The following FAM227B variants were observed in gnomAD, a reference collection of about 807,000 sequenced individuals.
The protein encoded by FAM227B is protein FAM227B.
In FAM227B, 88 loss-of-function variants were observed where a neutral mutation model predicts 73.8. The ratio of observed to expected loss-of-function variants is 1.19; its 90% confidence interval spans 1.00 to 1.42. The LOEUF (loss-of-function observed/expected upper bound fraction) is 1.42. Ranked by LOEUF, FAM227B falls within the 40% of genes most tolerant of loss-of-function variation. The probability of loss-of-function intolerance (pLI) is 0.00; values close to 1 mark genes in which losing one functional copy is unlikely to be tolerated. For synonymous variants in FAM227B, 210 were observed against 190.5 expected (o/e 1.10, Z -0.84); for missense variants, 632 against 590.9 (o/e 1.07, Z -0.72).
intron 10 of FAM227B, among the ~76,000 whole-genome samples, chr15:49,533,799 G>A (rs773161417): frequency 3.3e-5 from 5 of 151,746 alleles, no homozygotes; most frequent in Non-Finnish European, 7.4e-5. Context: ...GCATATAGTT[G>A]GGTGTTGTTT....
intron 11 of FAM227B, among the ~76,000 whole-genome samples, chr15:49,417,118 G>A (rs891643634): frequency 6.6e-6 from 1 of 152,124 alleles, no homozygotes; most frequent in African/African-American, 2.4e-5. Flanking sequence ...CTGGTTGGGT[G>A]CAGTTGCTCA....
chr15:49,489,192 C>A, intron 11 of FAM227B: 1 of 946,842 alleles, frequency 1.1e-6, no homozygotes. Flanking sequence ...TCACTGGAAG[C>A]CATTTTACAG....
At chr15:49,366,152 A>G in intron 13 of FAM227B, 1 of 974,746 alleles carries the variant, frequency 1.0e-6, no homozygotes, top group Non-Finnish European at 1.7e-6. Context: ...GAACACAGCA[A>G]TTACAAAAAT....
Position 49,611,191 on chromosome 15 carries a change from CATAAA to C in FAM227B, c.105+19_105+23del. 7.0e-7 allele frequency: 1 copy of C among 1,434,156 alleles called. No homozygotes were observed. Among genetic ancestry groups the C allele is most frequent in the East Asian group, 2.3e-5 (1 of 43,854 alleles). The allele number at this position is 1,434,156 out of a possible 1,614,324, so 88.8% of individuals were successfully genotyped here. A position where few individuals can be genotyped will look rare whatever the true frequency, so the allele number is the denominator to read the frequency against. ...GATATTTTAAAATGATGTAATGGCA[CATAAA>C]ATAAGATGCTTTACTCACCCAATTT... On this transcript the variant is annotated intron_variant, in intron 3 of 15. Coordinates refer to ENST00000299338, the MANE Select transcript of FAM227B (RefSeq NM_152647.3).
At chr15:49,394,485 G>A (rs1332301536) in intron 11 of FAM227B, among the ~76,000 whole-genome samples, 1 of 152,156 alleles carries the variant, frequency 6.6e-6, no homozygotes, top group Admixed American at 6.5e-5. Context: ...GAGAAATAAA[G>A]TAATAGGGAA....
intron 11 of FAM227B, among the ~76,000 whole-genome samples, chr15:49,501,299 C>T (rs1448660518): frequency 6.6e-6 from 1 of 152,150 alleles, no homozygotes; most frequent in Non-Finnish European, 1.5e-5. Flanking sequence ...GGTCAAAATG[C>T]TGATACTGAT....
chr15:49,530,628 T>C (rs1362913096), intron 10 of FAM227B, among the ~76,000 whole-genome samples: 1 of 151,810 alleles, frequency 6.6e-6, no homozygotes, highest in Non-Finnish European at 1.5e-5. Flanking sequence ...CTAGAAAAAA[T>C]TGAATTGTAT....
At chr15:49,602,903 G>A (rs1170483110) in intron 3 of FAM227B, among the ~76,000 whole-genome samples, 2 of 152,136 alleles carry the variant, frequency 1.3e-5, no homozygotes, top group East Asian at 3.8e-4. Context: ...TGAAGAAACT[G>A]TCCTTTATTC....
At chr15:49,574,598 T>C (rs1432336505) in intron 8 of FAM227B, 1 of 152,316 alleles carries the variant, frequency 6.6e-6, no homozygotes, top group Non-Finnish European at 1.5e-5. Context: ...TTAAATCTCT[T>C]TCCTTCATAA....
At chr15:49,617,768 T>A (rs1356680086) in intron 1 of FAM227B, among the ~76,000 whole-genome samples, 1 of 144,446 alleles carries the variant, frequency 6.9e-6, no homozygotes, top group East Asian at 1.9e-4. Context: ...CTATGCTCCT[T>A]TCATGTTTTG....
rs2042700462 is a variant in FAM227B, at chr15:49,354,267, T to A, written c.1271+13181A>T. ...GCCAAGATGGCCGAATAGGAACAGC[T>A]CCGGTCTACAGCTCCCAGCGTGAGC... On this transcript the variant is annotated intron_variant, in intron 13 of 15. Transcript: ENST00000299338. Among the ~76,000 whole-genome samples, 5 of 152,182 alleles carry A rather than the reference T, an allele frequency of 3.3e-5. No homozygotes were observed. In the South Asian group the frequency reaches 1.0e-3, roughly 31 times the overall value.
chr15:49,366,092 A>G, intron 13 of FAM227B: 1 of 882,482 alleles, frequency 1.1e-6, no homozygotes, highest in Non-Finnish European at 1.9e-6. Flanking sequence ...CACTGCTTTC[A>G]AGTTTTCCAA....
chr15:49,348,019 C>CAAA (rs67614443), intron 13 of FAM227B, among the ~76,000 whole-genome samples: 71 of 69,902 alleles, frequency 1.0e-3, no homozygotes, highest in Non-Finnish European at 1.1e-3. Context: ...AACTCTGTCT[C>CAAA]AAAAAAAAAA....
Position 49,344,868 on chromosome 15 carries a change from AAGTGACTG to A in FAM227B, c.1272-9380_1272-9373del, listed in dbSNP as rs202003093. Among the ~76,000 whole-genome samples the A allele has an allele frequency of 2.0e-4, 30 of 152,324 alleles. No individual in the cohort carries two copies. In the East Asian group the frequency reaches 5.8e-3, roughly 29 times the overall value. On this transcript the variant is annotated intron_variant, in intron 13 of 15. Transcript: ENST00000299338. ...CCGTCTTACTCCCTCCTGCTACATCAAGTGACTGAACATCTAAAATCTTTTCTGAGTAA... is the reference window on the plus strand; with the variant it reads ...CCGTCTTACTCCCTCCTGCTACATCAAACATCTAAAATCTTTTCTGAGTAA...
At chr15:49,489,791 T>A (rs929842876) in intron 11 of FAM227B, among the ~76,000 whole-genome samples, 1 of 86,240 alleles carries the variant, frequency 1.2e-5, no homozygotes, top group Non-Finnish European at 2.4e-5. Context: ...ACAGGAGATA[T>A]ATATATATAT....
At chr15:49,382,411 A>C (rs1337987534) in intron 11 of FAM227B, among the ~76,000 whole-genome samples, 4 of 152,132 alleles carry the variant, frequency 2.6e-5, no homozygotes, top group African/African-American at 7.2e-5. Context: ...AAAAAGAAAT[A>C]AGGCAAATGT....
At chr15:49,349,524 T>G (rs2041961201) in intron 13 of FAM227B, among the ~76,000 whole-genome samples, 1 of 152,196 alleles carries the variant, frequency 6.6e-6, no homozygotes, top group South Asian at 2.1e-4. Flanking sequence ...CTCTATTACA[T>G]AAGTTTTAAA....
In FAM227B at chr15:49,328,155, C is replaced by T. The variant is rs774873579; in HGVS notation, c.*413G>A. 6.8e-6 allele frequency: 11 copies of T among 1,612,368 alleles called. No homozygotes were observed. The highest frequency in any genetic ancestry group is 8.5e-7 in the Non-Finnish European group (1 of 1,179,224). ...GGTGGGGCTTTGGTTTTGCTTGAGG[C>T]CTGAAAAAATGTAAAAAGTCTGAGA... is the stretch of plus-strand genomic sequence containing the variant. On this transcript the variant is annotated 3_prime_UTR_variant, in exon 16 of 16. Transcript: ENST00000299338.
At chr15:49,374,226 A>G (rs2151489981) in intron 11 of FAM227B, among the ~76,000 whole-genome samples, 1 of 152,324 alleles carries the variant, frequency 6.6e-6, no homozygotes, top group South Asian at 2.1e-4. Flanking sequence ...CAAGCCTGAT[A>G]TAATTTTACA....
Sources: allele counts gnomAD v4.1 joint callset (sites outside exome capture counted in the v4.1 genomes callset), GRCh38; gene constraint gnomAD v4.1.1; transcripts MANE v1.5; gene names NCBI Gene and HGNC (gene_info 2026-07-23, HGNC 2026-07-21).